Variants in PDE10A observed in about 807,000 individuals in gnomAD.
PDE10A encodes phosphodiesterase 10A, also known as cAMP and cAMP-inhibited cGMP 3',5'-cyclic phosphodiesterase 10A.
Under a neutral mutation model 97.7 loss-of-function variants are expected in PDE10A, and 39 were observed. The observed-to-expected ratio is 0.40, with a 90% CI of 0.31 to 0.52. PDE10A has a LOEUF of 0.52. Ranked by LOEUF, PDE10A falls within the 20% of genes least tolerant of loss-of-function variation. The probability of loss-of-function intolerance (pLI) is 0.56; values close to 1 mark genes in which losing one functional copy is unlikely to be tolerated. For synonymous variants in PDE10A, 371 were observed against 376.8 expected (o/e 0.98, Z 0.18); for missense variants, 731 against 1,047.8 (o/e 0.70, Z 4.17).
At chr6:165,420,816 C>T (rs80037394) in intron 10 of PDE10A, among the ~76,000 whole-genome samples, 2,684 of 152,254 alleles carry the variant, frequency 0.018, 90 homozygotes, top group African/African-American at 0.06. Context: ...CTTTAAAAAT[C>T]TTCAACAAAT....
intron 1 of PDE10A, among the ~76,000 whole-genome samples, chr6:165,704,943 A>G (rs1051978002): frequency 6.6e-6 from 1 of 152,198 alleles, no homozygotes; most frequent in Admixed American, 6.5e-5. Flanking sequence ...TTTGTACCAC[A>G]CTGCCTTCCA....
chr6:165,442,573 G>A (rs547994064), intron 5 of PDE10A, among the ~76,000 whole-genome samples: 20 of 152,194 alleles, frequency 1.3e-4, no homozygotes, highest in South Asian at 1.2e-3. Context: ...CAGACCTCAC[G>A]AGAACACATT....
chr6:165,947,644 C>T (rs1783815228), intron 1 of PDE10A, among the ~76,000 whole-genome samples: 2 of 152,172 alleles, frequency 1.3e-5, no homozygotes, highest in Non-Finnish European at 1.5e-5. Flanking sequence ...GTGGCATAAA[C>T]GTATTTTCCT....
At chr6:165,392,048 C>A (rs1200469814) in intron 16 of PDE10A, among the ~76,000 whole-genome samples, 5 of 152,178 alleles carry the variant, frequency 3.3e-5, no homozygotes, top group Non-Finnish European at 4.4e-5. Flanking sequence ...GAATCAGCAT[C>A]CTTTGTGGCC....
intron 1 of PDE10A, among the ~76,000 whole-genome samples, chr6:165,668,569 A>ATGT (rs150330433): frequency 0.093 from 14,116 of 152,048 alleles, 2,012 homozygotes; most frequent in African/African-American, 0.3. Flanking sequence ...GGAGAAAGAA[A>ATGT]TGTTGGCTCT....
At chr6:165,545,536 T>C (rs1783696524) in intron 1 of PDE10A, among the ~76,000 whole-genome samples, 1 of 152,022 alleles carries the variant, frequency 6.6e-6, no homozygotes, top group Admixed American at 6.6e-5. Context: ...AGATAAAAGA[T>C]ATGCATCCAA....
At chr6:165,757,318 T>G (rs940858018) in intron 1 of PDE10A, among the ~76,000 whole-genome samples, 2 of 152,150 alleles carry the variant, frequency 1.3e-5, no homozygotes, top group Non-Finnish European at 2.9e-5. Flanking sequence ...AGCTGCAATT[T>G]TTTTTCATTT....
intron 1 of PDE10A, among the ~76,000 whole-genome samples, chr6:165,619,659 A>ATAGTGTAGCG (rs1296539898): frequency 1.5e-5 from 1 of 66,330 alleles, no homozygotes; most frequent in African/African-American, 3.9e-5. Context: ...CTAGTGTAGT[A>ATAGTGTAGCG]TAGTCTAGTG....
intron 1 of PDE10A, among the ~76,000 whole-genome samples, chr6:165,943,258 G>GAAAGAAA (rs1562809875): frequency 8.5e-4 from 65 of 76,472 alleles, no homozygotes; most frequent in Non-Finnish European, 1.1e-3. Context: ...AAGGAAGGAA[G>GAAAGAAA]GAAGGAAGGA....
At chr6:165,619,642 G>GTA (rs1482301297) in intron 1 of PDE10A, among the ~76,000 whole-genome samples, 1 of 125,664 alleles carries the variant, frequency 8.0e-6, no homozygotes, top group Admixed American at 7.9e-5. Context: ...GTGTAGTGTA[G>GTA]TATAGTCTAG....
intron 1 of PDE10A, among the ~76,000 whole-genome samples, chr6:165,613,255 T>C (rs1360599887): frequency 6.6e-6 from 1 of 152,170 alleles, no homozygotes; most frequent in Non-Finnish European, 1.5e-5. Context: ...CATTCCATAA[T>C]CCAGTATTCA....
At chr6:165,881,783 A>G (rs919107550) in intron 1 of PDE10A, among the ~76,000 whole-genome samples, 5 of 152,196 alleles carry the variant, frequency 3.3e-5, no homozygotes, top group Admixed American at 1.3e-4. Flanking sequence ...GCACTAATCC[A>G]AGAATCTGTA....
In PDE10A at chr6:165,541,940, G is replaced by C. The variant is rs1783464153; in HGVS notation, c.994+1500C>G. On this transcript the variant is annotated intron_variant, in intron 2 of 21. Coordinates refer to ENST00000539869, the MANE Select transcript of PDE10A (RefSeq NM_001385079.1). ...AAAAAACATTACCACTATAAAAAAT[G>C]CAAAACAAAATTTCAGAAACTTTAA... Among the ~76,000 whole-genome samples the C allele has an allele frequency of 2.0e-5, 3 of 151,920 alleles. No homozygotes were observed. In the South Asian group the frequency reaches 6.2e-4, roughly 32 times the overall value.
intron 6 of PDE10A, among the ~76,000 whole-genome samples, chr6:165,433,372 C>T (rs1469965826): frequency 2.0e-5 from 3 of 151,970 alleles, no homozygotes; most frequent in South Asian, 4.1e-4. Context: ...ATTTAATGAA[C>T]GAATGACATA....
At chr6:165,500,795 T>C (rs1780823747) in intron 2 of PDE10A, among the ~76,000 whole-genome samples, 1 of 152,074 alleles carries the variant, frequency 6.6e-6, no homozygotes, top group Non-Finnish European at 1.5e-5. Context: ...ATAGAATGTC[T>C]CGGTGTAAAA....
intron 3 of PDE10A, among the ~76,000 whole-genome samples, chr6:165,460,940 T>C (rs1324894571): frequency 6.6e-6 from 1 of 152,226 alleles, no homozygotes; most frequent in African/African-American, 2.4e-5. Flanking sequence ...AAATAATTTT[T>C]GATGGCGGCC....
intron 1 of PDE10A, among the ~76,000 whole-genome samples, chr6:165,608,080 A>ATG (rs1554294982): frequency 1.5e-5 from 2 of 136,212 alleles, no homozygotes; most frequent in Non-Finnish European, 3.0e-5. Flanking sequence ...ATATGTATAT[A>ATG]TGTATATATA....
intron 1 of PDE10A, among the ~76,000 whole-genome samples, chr6:165,875,876 T>C (rs564317955): frequency 1.6e-4 from 25 of 152,090 alleles, no homozygotes; most frequent in Non-Finnish European, 2.9e-4. Flanking sequence ...TAATTGTTTA[T>C]GGGAAAATAG....
chr6:165,803,921 A>G (rs1463971861), intron 1 of PDE10A, among the ~76,000 whole-genome samples: 1 of 152,024 alleles, frequency 6.6e-6, no homozygotes, highest in Non-Finnish European at 1.5e-5. Flanking sequence ...CTCCCTCCCC[A>G]TCTCCCCAAC....
Sources: gnomAD v4.1 joint callset for allele counts (sites outside exome capture counted in the v4.1 genomes callset) on GRCh38, gnomAD v4.1.1 for gene constraint, MANE v1.5 for transcripts, NCBI Gene and HGNC (gene_info 2026-07-23, HGNC 2026-07-21) for gene names.